The following CDC14B variants were observed in gnomAD, a reference collection of about 807,000 sequenced individuals.
CDC14B encodes dual specificity protein phosphatase CDC14B.
Under a neutral mutation model 64.2 loss-of-function variants are expected in CDC14B, and 22 were observed. The ratio of observed to expected loss-of-function variants is 0.34; its 90% CI spans 0.24 to 0.49. CDC14B has a LOEUF of 0.49. CDC14B is among the 20% of genes least tolerant of loss of function. The pLI is 0.99. For synonymous variants in CDC14B, 191 were observed against 215.8 expected (o/e 0.89, Z 1.01); for missense variants, 498 against 629.9 (o/e 0.79, Z 2.24).
chr9:96,514,757 G>A, intron 12 of CDC14B: 1 of 985,454 alleles, frequency 1.0e-6, no homozygotes, highest in Non-Finnish European at 1.2e-6. Context: ...CAGAAGGGTG[G>A]CGGTGGACCC....
chr9:96,517,912 T>C (rs568228744), intron 12 of CDC14B, among the ~76,000 whole-genome samples: 24 of 151,880 alleles, frequency 1.6e-4, no homozygotes, highest in African/African-American at 5.1e-4. Context: ...GCTCAAGTGA[T>C]CCTGCTGCCT....
chr9:96,550,862 CACTA>C (rs1350408756), intron 5 of CDC14B, among the ~76,000 whole-genome samples: 1 of 152,176 alleles, frequency 6.6e-6, no homozygotes, highest in Non-Finnish European at 1.5e-5. Flanking sequence ...CTGTAGACAT[CACTA>C]ACTACCACCT....
At chr9:96,526,450 C>T (rs1302961797) in intron 9 of CDC14B, among the ~76,000 whole-genome samples, 5 of 152,282 alleles carry the variant, frequency 3.3e-5, no homozygotes, top group East Asian at 3.9e-4. Context: ...CACTGCAAGC[C>T]GAGGAGAGAG....
rs551085084 is a variant in CDC14B, at chr9:96,592,640, G to A, written c.160+26579C>T. 1.4e-4 allele frequency among the ~76,000 whole-genome samples: 22 copies of A among 152,196 alleles called. No individual in the cohort carries two copies. The South Asian group carries it at 3.9e-3, about 27-fold the overall frequency. The stretch of plus-strand genomic sequence containing the variant: ...AATAGAAAAATTAGTCAGCATGGTG[G>A]TGGGTGCCTGTAGTCCCAGCTACTC... On this transcript the variant is annotated intron_variant, in intron 1 of 13. Coordinates refer to ENST00000375241, the MANE Select transcript of CDC14B (RefSeq NM_033331.4).
chr9:96,532,024 G>A (rs956571621), intron 9 of CDC14B, among the ~76,000 whole-genome samples: 1 of 152,074 alleles, frequency 6.6e-6, no homozygotes, highest in Non-Finnish European at 1.5e-5. Flanking sequence ...TGCTTTGTCA[G>A]GAGGCTTTGG....
chr9:96,554,533 A>G (rs900298993), intron 4 of CDC14B, among the ~76,000 whole-genome samples: 1 of 152,184 alleles, frequency 6.6e-6, no homozygotes, highest in Admixed American at 6.5e-5. Context: ...CCACAAGAAC[A>G]ATGTAACATT....
chr9:96,545,711 C>CT (rs59702080), intron 5 of CDC14B, among the ~76,000 whole-genome samples: 436 of 142,468 alleles, frequency 3.1e-3, no homozygotes, highest in East Asian at 6.3e-3. Context: ...TTCTTCAATG[C>CT]TTTTTTTTTT....
intron 1 of CDC14B, among the ~76,000 whole-genome samples, chr9:96,582,145 A>G (rs1845196928): frequency 6.6e-6 from 1 of 152,212 alleles, no homozygotes; most frequent in Non-Finnish European, 1.5e-5. Context: ...TCAATGTGAC[A>G]CTGTAAAAAG....
Position 96,552,024 on chromosome 9 carries a change from T to C in CDC14B, c.421-152A>G, listed in dbSNP as rs979817682. On this transcript the variant is annotated intron_variant, in intron 4 of 13. Transcript: ENST00000375241. ...TAGGAATCACCCAGAATCCTGTCCA[T>C]AGATTTCTTTTTTGTTTAAATCCTC... 9.4e-6 allele frequency: 10 copies of C among 1,067,564 alleles called. No individual in the cohort carries two copies. In the African/African-American group the frequency reaches 9.7e-5, roughly 10 times the overall value. 66.1% of individuals were successfully genotyped at this position (1,067,564 alleles called of 1,614,324 possible). A position where few individuals can be genotyped will look rare whatever the true frequency, so the allele number is the denominator to read the frequency against.
At chr9:96,534,967 C>T (rs951587561) in intron 7 of CDC14B, among the ~76,000 whole-genome samples, 1 of 152,118 alleles carries the variant, frequency 6.6e-6, no homozygotes, top group African/African-American at 2.4e-5. Flanking sequence ...CTTGACTCCA[C>T]GAATAAAGGG....
chr9:96,572,380 CCCTCAACCTGCTATCTCCAGGTAGAT>C (rs1326244673), intron 1 of CDC14B, among the ~76,000 whole-genome samples: 1 of 152,122 alleles, frequency 6.6e-6, no homozygotes, highest in African/African-American at 2.4e-5. Context: ...GGGGACTGAG[CCCTCAACCTGCTATCTCCAGGTAGAT>C]GGTGTCAGAA....
At chr9:96,539,575 G>A (rs546335669) in intron 6 of CDC14B, among the ~76,000 whole-genome samples, 1 of 152,288 alleles carries the variant, frequency 6.6e-6, no homozygotes, top group South Asian at 2.1e-4. Flanking sequence ...CCATGTGCTA[G>A]TTTATCCCAA....
chr9:96,590,650 GTT>G (rs111524053), intron 1 of CDC14B, among the ~76,000 whole-genome samples: 3 of 140,894 alleles, frequency 2.1e-5, no homozygotes, highest in African/African-American at 5.1e-5. Flanking sequence ...TTATTTCCTG[GTT>G]TTTTTTTTTT....
intron 12 of CDC14B, among the ~76,000 whole-genome samples, chr9:96,512,840 G>A (rs1161401290): frequency 6.9e-6 from 1 of 144,994 alleles, no homozygotes; most frequent in African/African-American, 2.5e-5. Context: ...CAAGACTCCT[G>A]TTGGCTTTTT....
intron 3 of CDC14B, 72 bp downstream of exon 3, chr9:96,564,705 G>A (rs1302629688): frequency 4.7e-6 from 4 of 843,678 alleles, no homozygotes; most frequent in Non-Finnish European, 7.5e-6. Context: ...TTTAAAAAGA[G>A]ATGTTTTCCT....
intron 1 of CDC14B, among the ~76,000 whole-genome samples, chr9:96,603,554 A>AGTGG (rs1846650050): frequency 6.6e-6 from 1 of 152,216 alleles, no homozygotes; most frequent in Non-Finnish European, 1.5e-5. Context: ...TACTTAGTCA[A>AGTGG]ACACATTCTA....
At chr9:96,617,699 A>G (rs1027709505) in intron 1 of CDC14B, among the ~76,000 whole-genome samples, 1 of 152,218 alleles carries the variant, frequency 6.6e-6, no homozygotes, top group African/African-American at 2.4e-5. Flanking sequence ...TGGGAAGAGT[A>G]GTTGCCTCTA....
intron 13 of CDC14B, among the ~76,000 whole-genome samples, chr9:96,505,571 TG>T (rs1156298414): frequency 6.6e-6 from 1 of 152,210 alleles, no homozygotes; most frequent in Non-Finnish European, 1.5e-5. Flanking sequence ...AGAGAGGTCA[TG>T]TGAGAACACT....
At chr9:96,495,598 G>T (rs1022909022), downstream of CDC14B, among the ~76,000 whole-genome samples, 1 of 152,218 alleles carries the variant, frequency 6.6e-6, no homozygotes, top group Admixed American at 6.5e-5. Context: ...ACCACAACTT[G>T]CATGTTTTGC....
Sources: gnomAD v4.1 joint callset for allele counts (sites outside exome capture counted in the v4.1 genomes callset) on GRCh38, gnomAD v4.1.1 for gene constraint, MANE v1.5 for transcripts, NCBI Gene and HGNC (gene_info 2026-07-23, HGNC 2026-07-21) for gene names.